ALK: variants seen among roughly 807,000 people sequenced by gnomAD.
ALK encodes ALK receptor tyrosine kinase, also known as ALK tyrosine kinase receptor.
In ALK, 74 loss-of-function variants were observed where a neutral mutation model predicts 163.1. That is an observed-to-expected ratio of 0.45 (90% CI 0.38 to 0.55). ALK has a LOEUF of 0.55. ALK is among the 20% of genes least tolerant of loss of function. ALK has a pLI of 0.00. For synonymous variants in ALK, 960 were observed against 843.2 expected (o/e 1.14, Z -2.40); for missense variants, 2,063 against 2,105.3 (o/e 0.98, Z 0.39).
chr2:29,439,608 G>A (rs1010240722), intron 4 of ALK, among the ~76,000 whole-genome samples: 1 of 151,754 alleles, frequency 6.6e-6, no homozygotes, highest in Non-Finnish European at 1.5e-5. Flanking sequence ...ACCACATATA[G>A]GGTCTCTGCA....
At chr2:29,734,200 A>G (rs75365913) in intron 1 of ALK, among the ~76,000 whole-genome samples, 2,324 of 152,260 alleles carry the variant, frequency 0.015, 66 homozygotes, top group African/African-American at 0.053. Context: ...GCAATTGTGC[A>G]ATCTGTGCTG....
At chr2:29,384,545 T>C (rs1248177122) in intron 4 of ALK, among the ~76,000 whole-genome samples, 2 of 152,186 alleles carry the variant, frequency 1.3e-5, no homozygotes, top group African/African-American at 4.8e-5. Context: ...ATAAATTAAA[T>C]GAACACTTTT....
chr2:29,365,947 T>C (rs1050627932), intron 5 of ALK, among the ~76,000 whole-genome samples: 1 of 152,194 alleles, frequency 6.6e-6, no homozygotes, highest in Admixed American at 6.5e-5. Flanking sequence ...CTGAGGTTTC[T>C]TTTTCCTGAG....
At chr2:29,903,419 C>T (rs1344769956) in intron 1 of ALK, among the ~76,000 whole-genome samples, 1 of 152,136 alleles carries the variant, frequency 6.6e-6, no homozygotes, top group African/African-American at 2.4e-5. Flanking sequence ...TTACTGAGCG[C>T]CTACTACGTC....
At chr2:29,543,260 CT>C (rs1401893613) in intron 3 of ALK, among the ~76,000 whole-genome samples, 2 of 152,148 alleles carry the variant, frequency 1.3e-5, no homozygotes, top group African/African-American at 4.8e-5. Flanking sequence ...TATGCATGAT[CT>C]TTCTTTTTCA....
intron 5 of ALK, among the ~76,000 whole-genome samples, chr2:29,381,046 C>A (rs1668884751): frequency 1.3e-5 from 2 of 152,154 alleles, no homozygotes; most frequent in African/African-American, 4.8e-5. Flanking sequence ...ATAAATGAAA[C>A]CTCAGCCTCT....
chr2:29,797,006 A>C (rs922890145), intron 1 of ALK, among the ~76,000 whole-genome samples: 5 of 151,530 alleles, frequency 3.3e-5, no homozygotes, highest in South Asian at 2.1e-4. Flanking sequence ...ACACCCACAC[A>C]CACACACACA....
At chr2:29,660,564 G>C (rs1228454907) in intron 3 of ALK, among the ~76,000 whole-genome samples, 1 of 151,388 alleles carries the variant, frequency 6.6e-6, no homozygotes, top group Non-Finnish European at 1.5e-5. Context: ...GGTGTGATGA[G>C]AAAGAAAAGA....
chr2:29,552,813 A>G (rs927374251), intron 3 of ALK, among the ~76,000 whole-genome samples: 6 of 152,126 alleles, frequency 3.9e-5, no homozygotes, highest in African/African-American at 1.4e-4. Context: ...CCGTATCTCA[A>G]TCTGCCTCTG....
intron 4 of ALK, among the ~76,000 whole-genome samples, chr2:29,453,628 G>A (rs1450849794): frequency 2.0e-5 from 3 of 152,084 alleles, no homozygotes; most frequent in Non-Finnish European, 4.4e-5. Flanking sequence ...CTGCTACATA[G>A]TAGATATTAA....
chr2:29,722,671 T>C (rs2148311422), intron 1 of ALK, among the ~76,000 whole-genome samples: 1 of 152,302 alleles, frequency 6.6e-6, no homozygotes, highest in East Asian at 1.9e-4. Flanking sequence ...CTAAATATCA[T>C]CCACATACTA....
At chr2:29,853,176 A>G (rs917934361) in intron 1 of ALK, among the ~76,000 whole-genome samples, 8 of 151,798 alleles carry the variant, frequency 5.3e-5, no homozygotes, top group Admixed American at 2.0e-4. Flanking sequence ...TTTAAACATC[A>G]TCAATATGGT....
At chr2:29,882,301 T>C (rs1666887766) in intron 1 of ALK, among the ~76,000 whole-genome samples, 1 of 152,226 alleles carries the variant, frequency 6.6e-6, no homozygotes, top group Admixed American at 6.5e-5. Flanking sequence ...CAAGTCATTT[T>C]TCTAAAAAAT....
At chr2:29,845,468 C>T (rs187158351) in intron 1 of ALK, among the ~76,000 whole-genome samples, 8 of 152,038 alleles carry the variant, frequency 5.3e-5, no homozygotes, top group East Asian at 1.9e-4. Flanking sequence ...GAGTTTTGCT[C>T]GTGTCACCCA....
At chr2:29,619,125 A>G (rs371136940) in intron 3 of ALK, among the ~76,000 whole-genome samples, 4 of 152,224 alleles carry the variant, frequency 2.6e-5, no homozygotes, top group African/African-American at 9.6e-5. Context: ...GAGGTTAAAT[A>G]TTTAAGTTTA....
At chr2:29,225,303 C>T (rs1663930344) in intron 19 of ALK, among the ~76,000 whole-genome samples, 158 bp downstream of exon 19, 1 of 152,130 alleles carries the variant, frequency 6.6e-6, no homozygotes, top group Non-Finnish European at 1.5e-5. Context: ...TTGGGAGCTT[C>T]CGTTTTGGCT....
chr2:29,202,010 T>C (rs1669193109), intron 26 of ALK, among the ~76,000 whole-genome samples: 2 of 152,116 alleles, frequency 1.3e-5, no homozygotes, highest in South Asian at 4.2e-4. Flanking sequence ...CGGCATCCCA[T>C]GGTGTTTAGA....
In ALK at chr2:29,196,547, T is replaced by C. The variant is rs1728826; in HGVS notation, c.4164+223A>G. ...GATTGATTCCCCAGTTTTTACTGTGTGTCTGGCACTGTGCTGTGTGCTGGT... is the reference window on the plus strand; with the variant it reads ...GATTGATTCCCCAGTTTTTACTGTGCGTCTGGCACTGTGCTGTGTGCTGGT... On this transcript the variant is annotated intron_variant, in intron 28 of 28. Transcript: ENST00000389048. 0.99 allele frequency among the ~76,000 whole-genome samples: 150,379 copies of C among 152,366 alleles called. 74,237 individuals are homozygous for C. Among genetic ancestry groups the C allele is most frequent in the South Asian group, 1 (4,832 of 4,832 alleles).
intron 4 of ALK, among the ~76,000 whole-genome samples, chr2:29,391,320 G>T (rs1669166458): frequency 6.8e-6 from 1 of 147,088 alleles, no homozygotes; most frequent in Non-Finnish European, 1.5e-5. Context: ...GGGGGGTGGT[G>T]GTGTGGAGTG....
Sources: gnomAD v4.1 joint callset for allele counts (sites outside exome capture counted in the v4.1 genomes callset) on GRCh38, gnomAD v4.1.1 for gene constraint, MANE v1.5 for transcripts, NCBI Gene and HGNC (gene_info 2026-07-23, HGNC 2026-07-21) for gene names.